The following DNAJA4 variants were observed in gnomAD, a reference collection of about 807,000 sequenced individuals.
The protein encoded by DNAJA4 is DnaJ heat shock protein family (Hsp40) member A4.
Under a neutral mutation model 39.7 loss-of-function variants are expected in DNAJA4, and 32 were observed. That is an observed-to-expected ratio of 0.81 (90% CI 0.61 to 1.08). The LOEUF (loss-of-function observed/expected upper bound fraction) is 1.08. Ranked by LOEUF, DNAJA4 falls within the 50% of genes least tolerant of loss-of-function variation. DNAJA4 has a pLI of 0.00. For synonymous variants in DNAJA4, 184 were observed against 182.4 expected, an observed-to-expected ratio of 1.01 and a Z score of -0.07; for missense variants, 439 against 505.1, an observed-to-expected ratio of 0.87 and a Z score of 1.25.
At chr15:78,264,437 C>G, upstream of DNAJA4, 1 of 1,331,274 alleles carries the variant, frequency 7.5e-7, no homozygotes, top group Non-Finnish European at 9.6e-7. Context: ...GGGTCTGGGC[C>G]GCGAACCCGC....
intron 5 of DNAJA4, among the ~76,000 whole-genome samples, chr15:78,277,258 C>T (rs567447579): frequency 1.3e-5 from 2 of 152,228 alleles, no homozygotes; most frequent in South Asian, 2.1e-4. Flanking sequence ...GATCTCAGCT[C>T]GCTGTAACCT....
At chr15:78,265,399 T>C (rs1256947688) in intron 1 of DNAJA4, 1 of 683,398 alleles carries the variant, frequency 1.5e-6, no homozygotes, top group African/African-American at 1.8e-5. Context: ...TGAGAATGAC[T>C]AGCTGGATTT....
Position 78,280,050 on chromosome 15 carries a change from G to T in DNAJA4, c.883G>T (p.Val295Leu). The change falls in exon 6 of 7, where the codon GTG becomes TTG. Residue 295 changes from valine (V) to leucine (L), a missense_variant. Physicochemically the swap from Val to Leu is conservative, Grantham distance 32. Transcript: ENST00000394852. ...ATTGACCCTTTCTCTGGCAGGTGAG[G>T]TGATAAAGCACGGGGACCTGAGATG... Reference protein sequence around the residue: ...ILVITSKAGEVIKHGDLRCVR... With the variant: ...ILVITSKAGELIKHGDLRCVR... The T allele has an allele frequency of 1.9e-6, 3 of 1,614,170 alleles. No homozygotes were observed. The highest frequency in any genetic ancestry group is 2.5e-6 in the Non-Finnish European group (3 of 1,180,018).
chr15:78,264,204 A>T, upstream of DNAJA4: 2 of 769,170 alleles, frequency 2.6e-6, no homozygotes, highest in Non-Finnish European at 3.7e-6. Context: ...CCTACTCTCC[A>T]GCCAGCCGGC....
chr15:78,276,167 T>A (rs1454673909), intron 5 of DNAJA4, among the ~76,000 whole-genome samples: 2 of 152,252 alleles, frequency 1.3e-5, no homozygotes, highest in Non-Finnish European at 2.9e-5. Context: ...AATTTATTTT[T>A]GTATAAGAAA....
In DNAJA4 at chr15:78,274,284, G is replaced by A. The variant is rs149661275; in HGVS notation, c.506G>A (p.Gly169Asp). Residue 169 changes from glycine to aspartate, a missense_variant, in exon 4 of 7, where the codon GGC becomes GAC. Transcript: ENST00000394852. ...ATCCACATCCAGCAGATCGGGCCGG[G>A]CATGGTACAGCAGATCCAGACCGTG... ...MQIHIQQIGP[G>D]MVQQIQTVCI... 1 of 1,614,066 alleles carries A rather than the reference G, an allele frequency of 6.2e-7. No individual in the cohort carries two copies. The highest frequency in any genetic ancestry group is 1.3e-5 in the African/African-American group (1 of 74,926).
intron 5 of DNAJA4, among the ~76,000 whole-genome samples, chr15:78,277,056 C>A (rs1322660579): frequency 6.6e-6 from 1 of 152,228 alleles, no homozygotes; most frequent in African/African-American, 2.4e-5. Context: ...GAAACAATTT[C>A]AAGCTTACAA....
intron 4 of DNAJA4, 76 bp from the exon 5 acceptor site, chr15:78,275,422 G>T: frequency 8.2e-7 from 1 of 1,226,194 alleles, no homozygotes; most frequent in Non-Finnish European, 1.2e-6. Flanking sequence ...GAAGGACTCT[G>T]TTCCTTCTTC....
intron 1 of DNAJA4, among the ~76,000 whole-genome samples, chr15:78,267,862 C>A (rs1458719843): frequency 6.6e-6 from 1 of 152,134 alleles, no homozygotes; most frequent in Non-Finnish European, 1.5e-5. Context: ...GTCTTCAAAG[C>A]CATTTTCCCC....
At position 78,280,458 on chromosome 15, in the gene DNAJA4, T is replaced by TGACGTGGTGCGGGGC. The variant is rs769833878; in HGVS notation, c.1193_*13dup. 1.6e-5 allele frequency: 25 copies of TGACGTGGTGCGGGGC among 1,607,864 alleles called. No individual in the cohort carries two copies. The South Asian group carries it at 2.8e-4, about 18-fold the overall frequency. On this transcript the variant is annotated inframe_insertion and stop_retained_variant, in exon 7 of 7. Transcript: ENST00000394852. ...GGCTGGAGTGCAGTGCCAGACGGCA[T>TGACGTGGTGCGGGGC]GACGTGGTGCGGGGCAGCGTGGCCC...
chr15:78,264,356 G>C, upstream of DNAJA4: 1 of 1,450,028 alleles, frequency 6.9e-7, no homozygotes, highest in Non-Finnish European at 9.0e-7. Context: ...CGGGGAATCA[G>C]ACGGGCAGCC....
Position 78,274,413 on chromosome 15 carries a change from A to C in DNAJA4, c.635A>C (p.His212Pro). The part of the protein sequence containing the change: ...VIREKKIIEV[H>P]VEKGMKDGQK... ...CGTGAGAAGAAGATTATCGAGGTAC[A>C]TGTTGAAAAAGGTGAGGCTGCGCAG... is the stretch of plus-strand genomic sequence containing the variant. The change falls in exon 4 of 7, where the codon CAT becomes CCT. Residue 212 changes from histidine (H) to proline (P), a missense_variant. His to Pro is a moderately conservative substitution (Grantham distance 77). Transcript: ENST00000394852. 1.9e-6 allele frequency: 3 copies of C among 1,614,080 alleles called. No homozygotes were observed. Among genetic ancestry groups the C allele is most frequent in the Non-Finnish European group, 2.5e-6 (3 of 1,180,018 alleles).
chr15:78,264,607 GGGCGGGCGGGAGCTACAAGCGGCGGC>G lies in DNAJA4; in HGVS notation c.-151_-126del. The G allele has an allele frequency of 8.8e-7, 1 of 1,134,018 alleles. No individual in the cohort carries two copies. Among genetic ancestry groups the G allele is most frequent in the South Asian group, 4.3e-5 (1 of 23,278 alleles). The allele number at this position is 1,134,018 out of a possible 1,614,324, so 70.2% of individuals were successfully genotyped here. On this transcript the variant is annotated 5_prime_UTR_variant, in exon 1 of 7. Transcript: ENST00000394852. ...GGAAGTCGGTCCGGCGCGGGGCGGG[GGGCGGGCGGGAGCTACAAGCGGCGGC>G]GGCGGCGGCGACCGTGACCGTGACG...
At chr15:78,268,714 T>G (rs1052869122) in intron 1 of DNAJA4, among the ~76,000 whole-genome samples, 1 of 152,210 alleles carries the variant, frequency 6.6e-6, no homozygotes, top group Non-Finnish European at 1.5e-5. Flanking sequence ...AATCGAGCCA[T>G]TCATCTAACA....
At chr15:78,266,234 G>T (rs1407156349) in intron 1 of DNAJA4, 1 of 1,613,664 alleles carries the variant, frequency 6.2e-7, no homozygotes, top group Non-Finnish European at 8.5e-7. Context: ...CAGCAAGCTG[G>T]CTAAAGACAT....
rs202244455 is a variant in DNAJA4, at chr15:78,280,245, G to A, written c.979G>A (p.Val327Ile). Residue 327 changes from valine (V) to isoleucine (I), a missense_variant and splice_region_variant, in exon 7 of 7, where the codon GTA (valine) becomes ATA (isoleucine). Val to Ile is a conservative substitution (Grantham distance 29, BLOSUM62 3). Transcript: ENST00000394852. ...EKGILIIQFL[V>I]IFPEKHWLSL... ...TTCTTTCCCACCTCACCCTTTACAGGTAATCTTTCCTGAAAAACACTGGCT... is the reference window on the plus strand; with the variant it reads ...TTCTTTCCCACCTCACCCTTTACAGATAATCTTTCCTGAAAAACACTGGCT... 7 of 1,613,842 alleles carry A rather than the reference G, an allele frequency of 4.3e-6. No homozygotes were observed. In the Admixed American group the frequency reaches 1.0e-4, roughly 23 times the overall value.
intron 5 of DNAJA4, among the ~76,000 whole-genome samples, chr15:78,277,373 G>T (rs571624081): frequency 1.3e-5 from 2 of 152,232 alleles, no homozygotes; most frequent in African/African-American, 4.8e-5. Flanking sequence ...CCAGACTTGT[G>T]TGTGTTTTTA....
chr15:78,272,065 G>A (rs1469805583), intron 2 of DNAJA4, among the ~76,000 whole-genome samples: 3 of 152,166 alleles, frequency 2.0e-5, no homozygotes, highest in Non-Finnish European at 4.4e-5. Flanking sequence ...ATAATTGATG[G>A]TGTGGACATG....
At chr15:78,271,687 C>G (rs1237669919) in intron 2 of DNAJA4, among the ~76,000 whole-genome samples, 1 of 152,218 alleles carries the variant, frequency 6.6e-6, no homozygotes, top group Non-Finnish European at 1.5e-5. Flanking sequence ...TTTTCTGCAT[C>G]TCACCTCTGC....
Sources: gnomAD v4.1 joint callset for allele counts (sites outside exome capture counted in the v4.1 genomes callset) on GRCh38, gnomAD v4.1.1 for gene constraint, MANE v1.5 for transcripts, NCBI Gene and HGNC (gene_info 2026-07-23, HGNC 2026-07-21) for gene names.